Variants in MEI1 observed in about 807,000 individuals in gnomAD.
MEI1 encodes meiosis inhibitor protein 1.
MEI1 carries 103 observed loss-of-function variants against 146.2 expected under a neutral mutation model. The ratio of observed to expected loss-of-function variants is 0.70; its 90% CI spans 0.60 to 0.83. The LOEUF (loss-of-function observed/expected upper bound fraction) is 0.83, where lower values mean the gene tolerates loss of function less well. Among genes scored for constraint, MEI1 ranks in the 40% least tolerant of loss-of-function variants. The probability of loss-of-function intolerance (pLI) is 0.00; values close to 1 mark genes in which losing one functional copy is unlikely to be tolerated. For missense variants in MEI1, 1,529 were observed against 1,533.0 expected, an observed-to-expected ratio of 1.00 and a Z score of 0.04; for synonymous variants, 652 against 628.2, an observed-to-expected ratio of 1.04 and a Z score of -0.57.
Position 41,770,766 on chromosome 22 carries a change from C to T in MEI1, c.2349C>T (p.Leu783=), listed in dbSNP as rs1438795835. 6.2e-7 allele frequency: 1 copy of T among 1,613,926 alleles called. No individual in the cohort carries two copies. Among genetic ancestry groups the T allele is most frequent in the Non-Finnish European group, 8.5e-7 (1 of 1,179,870 alleles). The part of the protein sequence containing the change: ...QLVYTHHPLL[L]RFFLLYPELM... ...TCTATACTCACCATCCGCTCCTGCTCAGGTTCTTTCTGTTGTATCCAGAGC... is the reference window on the plus strand; with the variant it reads ...TCTATACTCACCATCCGCTCCTGCTTAGGTTCTTTCTGTTGTATCCAGAGC... The change falls in exon 20 of 31, where the codon CTC becomes CTT. Residue 783 remains leucine (L), a synonymous_variant. Transcript: ENST00000401548.
intron 4 of MEI1, 100 bp from the exon 5 acceptor site, chr22:41,715,941 C>T (rs2070106462): frequency 2.5e-6 from 2 of 804,148 alleles, no homozygotes; most frequent in Non-Finnish European, 4.0e-6. Context: ...GTGAGAGACA[C>T]ATGCAATACA....
At chr22:41,779,501 G>C (rs1395957036) in intron 22 of MEI1, among the ~76,000 whole-genome samples, 2 of 152,126 alleles carry the variant, frequency 1.3e-5, no homozygotes, top group Non-Finnish European at 2.9e-5. Context: ...GAGTCAGGAA[G>C]GCCTGGGTTT....
chr22:41,796,101 C>T lies in MEI1; in HGVS notation c.3779+254C>T, dbSNP rs148107548. ...TCTAAAGTAAGCAGGGGTCAATTAA[C>T]AGTGTTGACAACAACAATGCCGTGT... On this transcript the variant is annotated intron_variant, in intron 30 of 30. Coordinates refer to ENST00000401548, the MANE Select transcript of MEI1 (RefSeq NM_152513.4). 8.1e-4 allele frequency among the ~76,000 whole-genome samples: 123 copies of T among 152,274 alleles called. 1 individual carries two copies. The highest frequency in any genetic ancestry group is 3.0e-3 in the African/African-American group (123 of 41,548).
chr22:41,776,084 T>G lies in MEI1; in HGVS notation c.2545-18T>G. ...CTGCAGTACCCTCTGATCTCTGGCT[T>G]TCTTCTCTCCTGCTCAGGACCTCAT... On this transcript the variant is annotated intron_variant, in intron 20 of 30. Coordinates refer to ENST00000401548, the MANE Select transcript of MEI1 (RefSeq NM_152513.4). 1 of 1,611,470 alleles carries G rather than the reference T, an allele frequency of 6.2e-7. No homozygotes were observed. The highest frequency in any genetic ancestry group is 8.5e-7 in the Non-Finnish European group (1 of 1,177,816).
In MEI1 at chr22:41,794,365, T is replaced by C. The variant is rs758470306; in HGVS notation, c.3428-6T>C. ...GGAAGCATTAACAACCCAGTGTTTCTTGAAGCTCTCCACGTGGCCTCCCAG... is the reference window on the plus strand; with the variant it reads ...GGAAGCATTAACAACCCAGTGTTTCCTGAAGCTCTCCACGTGGCCTCCCAG... On this transcript the variant is annotated splice_polypyrimidine_tract_variant and splice_region_variant and intron_variant, in intron 27 of 30. Transcript: ENST00000401548. 1 of 1,613,198 alleles carries C rather than the reference T, an allele frequency of 6.2e-7. No homozygotes were observed. Among genetic ancestry groups the C allele is most frequent in the Admixed American group, 1.7e-5 (1 of 60,018 alleles).
rs191014345 is a variant in MEI1 at position 41,699,707 on chromosome 22, G to A, written c.169G>A (p.Val57Met). 6.4e-7 allele frequency: 1 copy of A among 1,570,508 alleles called. No homozygotes were observed. Among genetic ancestry groups the A allele is most frequent in the Non-Finnish European group, 8.6e-7 (1 of 1,159,258 alleles). ...GCTGGAGCTGCTGCCGGACCCCGGC[G>A]TGTCGGTGCGGGCGGAACCTTTTCT... The part of the protein sequence containing the change: ...CALELLPDPG[V>M]SLVRKKHMLS... The change falls in exon 1 of 31, where the codon GTG (valine) becomes ATG (methionine). Residue 57 changes from valine (V) to methionine (M), a missense_variant. Physicochemically the swap from Val to Met is conservative, Grantham distance 21. Transcript: ENST00000401548.
Position 41,753,974 on chromosome 22 carries a change from T to G in MEI1, c.1879T>G (p.Ser627Ala). The G allele has an allele frequency of 1.3e-5, 21 of 1,613,482 alleles. No individual in the cohort carries two copies. Among genetic ancestry groups the G allele is most frequent in the Non-Finnish European group, 1.7e-5 (20 of 1,179,448 alleles). ...TCACTCAGCCCTAAACCAGGTGTGT[T>G]CCAATTTCCTCTACTATATGTGCCT... ...LSHSALNQVCSNFLYYMCLNL... is the reference protein window; with the variant it reads ...LSHSALNQVCANFLYYMCLNL... Residue 627 changes from serine (S) to alanine (A), a missense_variant, in exon 17 of 31, where the codon TCC (serine) becomes GCC (alanine). This residue lies in a region of MEI1 where 1,212 missense variants were observed against 1,178.9 expected (regional missense o/e 1.03). Coordinates refer to ENST00000401548, the MANE Select transcript of MEI1 (RefSeq NM_152513.4).
At chr22:41,704,162 T>C (rs2068909848) in intron 2 of MEI1, among the ~76,000 whole-genome samples, 1 of 152,210 alleles carries the variant, frequency 6.6e-6, no homozygotes, top group African/African-American at 2.4e-5. Flanking sequence ...TTTCTTTTAA[T>C]GTGACGGTAA....
At chr22:41,781,915 C>G (rs570048902) in intron 24 of MEI1, 70 bp downstream of exon 24, 2 of 1,554,374 alleles carry the variant, frequency 1.3e-6, no homozygotes, top group Non-Finnish European at 1.8e-6. Context: ...ATCCTGAGTT[C>G]TGGTCCCAGC....
intron 1 of MEI1, among the ~76,000 whole-genome samples, chr22:41,701,791 A>G (rs189549255): frequency 5.9e-5 from 9 of 152,314 alleles, no homozygotes; most frequent in Non-Finnish European, 1.0e-4. Context: ...AAGCATTCAA[A>G]TTAGGTTTAA....
At chr22:41,796,529 G>T (rs2076364300) in intron 30 of MEI1, among the ~76,000 whole-genome samples, 2 of 152,072 alleles carry the variant, frequency 1.3e-5, no homozygotes, top group Non-Finnish European at 2.9e-5. Flanking sequence ...TCAGCTAGGA[G>T]TGTTAAGGTA....
At position 41,781,939 on chromosome 22, in the gene MEI1, T is replaced by C; in HGVS notation, c.3087+94T>C. ...TCTGGTCCCAGCTCTGGGGGCTTAT[T>C]AGCTGTGTGACCTTGGCAAGGTATT... On this transcript the variant is annotated intron_variant, in intron 24 of 30. Transcript: ENST00000401548. The C allele has an allele frequency of 4.9e-6, 7 of 1,421,010 alleles. No homozygotes were observed. The South Asian group carries it at 7.7e-5, about 16-fold the overall frequency. 88.0% of individuals were successfully genotyped at this position (1,421,010 alleles called of 1,614,324 possible).
At chr22:41,712,671 G>GGTGTGTGTGTGTGTGT (rs1191178804) in intron 3 of MEI1, among the ~76,000 whole-genome samples, 1 of 56,212 alleles carries the variant, frequency 1.8e-5, no homozygotes, top group African/African-American at 6.9e-5. Flanking sequence ...AATAGAAATA[G>GGTGTGTGTGTGTGTGT]ATGTGTGTGT....
At chr22:41,725,779 A>G (rs1357642593) in intron 7 of MEI1, among the ~76,000 whole-genome samples, 3 of 152,120 alleles carry the variant, frequency 2.0e-5, no homozygotes, top group Non-Finnish European at 4.4e-5. Flanking sequence ...GCGGAATGTG[A>G]CCCACTGTCA....
intron 3 of MEI1, among the ~76,000 whole-genome samples, chr22:41,707,688 T>C (rs886287930): frequency 1.3e-5 from 2 of 151,928 alleles, no homozygotes; most frequent in East Asian, 1.9e-4. Context: ...GGAAGACTTA[T>C]ATGAATGGGA....
intron 19 of MEI1, among the ~76,000 whole-genome samples, chr22:41,769,423 G>A (rs917659264): frequency 1.3e-5 from 2 of 150,918 alleles, no homozygotes; most frequent in Non-Finnish European, 2.9e-5. Flanking sequence ...CACAATGAGT[G>A]AAAGACCTAA....
At chr22:41,753,065 C>T (rs1601935408) in intron 16 of MEI1, among the ~76,000 whole-genome samples, 1 of 151,512 alleles carries the variant, frequency 6.6e-6, no homozygotes, top group East Asian at 1.9e-4. Flanking sequence ...GTCACCCAGG[C>T]TGGAGTGCAG....
Position 41,795,644 on chromosome 22 carries a change from G to A in MEI1, c.3667-91G>A. The A allele has an allele frequency of 1.3e-6, 2 of 1,591,556 alleles. No individual in the cohort carries two copies. The highest frequency in any genetic ancestry group is 1.7e-6 in the Non-Finnish European group (2 of 1,165,992). On this transcript the variant is annotated intron_variant, in intron 29 of 30. Coordinates refer to ENST00000401548, the MANE Select transcript of MEI1 (RefSeq NM_152513.4). This position sits in a 1 kb window ranked among gnomAD's most constrained non-coding sequence, Gnocchi z 4.2. ...TCTGGCCACAGCAACCAAGGAATGGGAGGAGGGAAGTACAGAGGATGGAGG... is the reference window on the plus strand; with the variant it reads ...TCTGGCCACAGCAACCAAGGAATGGAAGGAGGGAAGTACAGAGGATGGAGG...
chr22:41,790,869 G>A (rs1358985104), intron 26 of MEI1, among the ~76,000 whole-genome samples: 6 of 152,132 alleles, frequency 3.9e-5, no homozygotes, highest in Admixed American at 2.0e-4. Flanking sequence ...GATTACAGGC[G>A]TGAGCCACCA....
Sources: allele counts gnomAD v4.1 joint callset (sites outside exome capture counted in the v4.1 genomes callset), GRCh38; gene constraint gnomAD v4.1.1; regional missense constraint gnomAD v4.1.1; non-coding constraint Gnocchi (gnomAD v3.1); transcripts MANE v1.5; gene names NCBI Gene and HGNC (gene_info 2026-07-23, HGNC 2026-07-21).